DNAH8: variants seen among roughly 807,000 people sequenced by gnomAD.
The protein encoded by DNAH8 is axonemal beta dynein heavy chain 8.
A neutral mutation model predicts 562.1 loss-of-function variants in DNAH8; 382 were observed. The observed-to-expected ratio is 0.68, with a 90% CI of 0.63 to 0.74. DNAH8 has a LOEUF of 0.74. DNAH8 is among the 30% of genes least tolerant of loss of function. The probability of loss-of-function intolerance (pLI) is 0.00; values close to 1 mark genes in which losing one functional copy is unlikely to be tolerated. For missense variants in DNAH8, 5,203 were observed against 5,620.4 expected, an observed-to-expected ratio of 0.93 and a Z score of 2.37; for synonymous variants, 1,881 against 1,919.4, an observed-to-expected ratio of 0.98 and a Z score of 0.52.
rs1259825047 is a variant in DNAH8 at position 38,984,246 on chromosome 6, T to C, written c.12992T>C (p.Val4331Ala). The C allele has an allele frequency of 1.2e-6, 2 of 1,610,332 alleles. No homozygotes were observed. The highest frequency in any genetic ancestry group is 1.7e-6 in the Non-Finnish European group (2 of 1,176,576). Residue 4331 changes from valine to alanine, a missense_variant, in exon 87 of 93, where the codon GTA becomes GCA. Physicochemically the swap from Val to Ala is moderately conservative, Grantham distance 64. Transcript: ENST00000327475. ...ACGGTTCGGTACATGATCGGAGAAG[T>C]ACAATATGGAGGCAGAGTGACAGAT... ...WNTVRYMIGE[V>A]QYGGRVTDDF...
rs146832597 is a variant in DNAH8, at chr6:38,766,139, A to ATGTGTGTGTGCGTGTGTG, written c.1618-4264_1618-4263insCGTGTGTGTGTGTGTGTG. ...TGTATGTATATATGTATGTGTTTGT[A>ATGTGTGTGTGCGTGTGTG]TGTGTGTGTGTGTGTGTTTGTGTAT... On this transcript the variant is annotated intron_variant, in intron 11 of 92. Coordinates refer to ENST00000327475, the MANE Select transcript of DNAH8 (RefSeq NM_001206927.2). 2.0e-5 allele frequency among the ~76,000 whole-genome samples: 3 copies of ATGTGTGTGTGCGTGTGTG among 150,892 alleles called. No homozygotes were observed. The East Asian group carries it at 5.8e-4, about 29-fold the overall frequency.
intron 91 of DNAH8, among the ~76,000 whole-genome samples, chr6:39,019,341 G>A (rs1766756881): frequency 6.6e-6 from 1 of 152,206 alleles, no homozygotes; most frequent in South Asian, 2.1e-4. Context: ...GAAGTTAAGG[G>A]CATTCCCATT....
intron 67 of DNAH8, among the ~76,000 whole-genome samples, chr6:38,914,824 C>T (rs1046877002): frequency 6.6e-6 from 1 of 152,288 alleles, no homozygotes; most frequent in African/African-American, 2.4e-5. Flanking sequence ...ATGGTAAGCA[C>T]TCAATAAACA....
intron 9 of DNAH8, among the ~76,000 whole-genome samples, chr6:38,752,194 C>T (rs775856825): frequency 1.3e-5 from 2 of 151,116 alleles, no homozygotes; most frequent in Non-Finnish European, 2.9e-5. Context: ...GATGGAGTCT[C>T]TCTCTGTCAC....
intron 60 of DNAH8, among the ~76,000 whole-genome samples, chr6:38,897,067 T>C (rs1164523443): frequency 1.3e-5 from 2 of 152,192 alleles, no homozygotes; most frequent in Admixed American, 1.3e-4. Flanking sequence ...GGTTTTATCA[T>C]GTTGGTCAGG....
chr6:38,911,158 T>C (rs1395393615), intron 65 of DNAH8, among the ~76,000 whole-genome samples: 1 of 152,352 alleles, frequency 6.6e-6, no homozygotes, highest in East Asian at 1.9e-4. Context: ...AGCTTTCACA[T>C]AGATTCATAT....
chr6:38,723,173 C>T lies in DNAH8; in HGVS notation c.364C>T (p.Leu122=). The change falls in exon 2 of 93, where the codon CTA becomes TTA. Residue 122 remains leucine, a synonymous_variant. Coordinates refer to ENST00000327475, the MANE Select transcript of DNAH8 (RefSeq NM_001206927.2). The stretch of plus-strand genomic sequence containing the variant: ...CCGGAGTATGAGTGGCCTTCCCAAT[C>T]TACAGGAAACATTAAAAGAGAGACA... ...YRRSMSGLPN[L]QETLKERQAR... is the part of the protein sequence containing the mutation. 1 of 1,611,414 alleles carries T rather than the reference C, an allele frequency of 6.2e-7. No individual in the cohort carries two copies.
In DNAH8 at chr6:38,882,041, G is replaced by T. The variant is rs555959456; in HGVS notation, c.7859-869G>T. Among the ~76,000 whole-genome samples, 3 of 152,158 alleles carry T rather than the reference G, an allele frequency of 2.0e-5. 1 individual carries two copies. In the East Asian group the frequency reaches 5.8e-4, roughly 29 times the overall value. On this transcript the variant is annotated intron_variant, in intron 53 of 92. Transcript: ENST00000327475. Reference sequence around the variant, plus strand: ...AGATGGGTGAGTTAGCAATTTAAAAGCCAATTTACAAAAAATAACAGATGC... The same window carrying T: ...AGATGGGTGAGTTAGCAATTTAAAATCCAATTTACAAAAAATAACAGATGC...
chr6:38,845,809 A>T, intron 36 of DNAH8, 36 bp downstream of exon 36: 1 of 1,519,618 alleles, frequency 6.6e-7, no homozygotes, highest in South Asian at 1.1e-5. Flanking sequence ...TTTAAATGGG[A>T]TATTTAGGGT....
chr6:38,799,600 C>A (rs1337237877), intron 21 of DNAH8, among the ~76,000 whole-genome samples: 1 of 152,144 alleles, frequency 6.6e-6, no homozygotes, highest in African/African-American at 2.4e-5. Context: ...TTTTAGCAGC[C>A]TTATTGAGAT....
chr6:38,874,216 CTCTCGCTCTCTCTT>C, intron 52 of DNAH8, among the ~76,000 whole-genome samples: 2 of 130,526 alleles, frequency 1.5e-5, no homozygotes, highest in African/African-American at 2.9e-5. Flanking sequence ...CTTTCTTTCT[CTCTCGCTCTCTCTT>C]TCTCCCCTCC....
chr6:38,772,073 G>A lies in DNAH8; in HGVS notation c.1764+1514G>A, dbSNP rs1008709258. Among the ~76,000 whole-genome samples, 15 of 142,030 alleles carry A rather than the reference G, an allele frequency of 1.1e-4. 1 individual carries two copies. Among genetic ancestry groups the A allele is most frequent in the Admixed American group, 7.9e-5 (1 of 12,684 alleles). 93.2% of individuals were successfully genotyped at this position (142,030 alleles called of 152,430 possible). A position where few individuals can be genotyped will look rare whatever the true frequency, so the allele number is the denominator to read the frequency against. ...AGACGGAGTTTTGCTCTTTCGCCCA[G>A]GCCAGAGTGCAGTGGCGTGATCTCG... On this transcript the variant is annotated intron_variant, in intron 12 of 92. Coordinates refer to ENST00000327475, the MANE Select transcript of DNAH8 (RefSeq NM_001206927.2).
intron 23 of DNAH8, among the ~76,000 whole-genome samples, chr6:38,806,594 C>G (rs545421083): frequency 4.6e-5 from 7 of 152,166 alleles, no homozygotes; most frequent in African/African-American, 1.7e-4. Context: ...TAGTGGTCAC[C>G]TCATAAATAG....
At position 38,938,924 on chromosome 6, in the gene DNAH8, G is replaced by A. The variant is rs376317347; in HGVS notation, c.11943G>A (p.Met3981Ile). Residue 3981 changes from methionine (M) to isoleucine (I), a missense_variant, in exon 79 of 93, where the codon ATG becomes ATA. Coordinates refer to ENST00000327475, the MANE Select transcript of DNAH8 (RefSeq NM_001206927.2). ...ACAAATTCCTGTTTGTACTCCTCAT[G>A]ACCTTAAAGATTGACCTTCAGAGAG... is the stretch of plus-strand genomic sequence containing the variant. ...ENHKFLFVLLMTLKIDLQRGT... is the reference protein window; with the variant it reads ...ENHKFLFVLLITLKIDLQRGT... 98 of 1,613,780 alleles carry A rather than the reference G, an allele frequency of 6.1e-5. No individual in the cohort carries two copies. The highest frequency in any genetic ancestry group is 2.1e-4 in the South Asian group (19 of 91,052).
intron 58 of DNAH8, among the ~76,000 whole-genome samples, chr6:38,891,984 T>G (rs892565747): frequency 2.6e-5 from 4 of 152,200 alleles, no homozygotes; most frequent in African/African-American, 9.7e-5. Flanking sequence ...TTACTTGACT[T>G]TTTAGCAGCA....
rs1761342541 is a variant in DNAH8, at chr6:38,945,585, C to T, written c.12126C>T (p.Asn4042=). The change falls in exon 80 of 93, where the codon AAC becomes AAT. Residue 4042 remains asparagine, a synonymous_variant. Coordinates refer to ENST00000327475, the MANE Select transcript of DNAH8 (RefSeq NM_001206927.2). ...TTCCACAATTTGCAGAAATTATGAA[C>T]CAGGTAATACAATAAAGGGCTGGTT... The part of the protein sequence containing the change: ...SKLPQFAEIM[N]QISRNEKGWK... 6.2e-7 allele frequency: 1 copy of T among 1,613,780 alleles called. No individual in the cohort carries two copies. Among genetic ancestry groups the T allele is most frequent in the South Asian group, 1.1e-5 (1 of 91,072 alleles).
At chr6:38,965,922 A>G (rs1762940399) in intron 82 of DNAH8, among the ~76,000 whole-genome samples, 1 of 152,266 alleles carries the variant, frequency 6.6e-6, no homozygotes, top group Non-Finnish European at 1.5e-5. Context: ...GAAAGATTAC[A>G]AATTAATAAC....
In DNAH8 at chr6:38,932,216, A is replaced by ACACACACACACACACC. The variant is rs375631180; in HGVS notation, c.11457+224_11457+225insACACACACACACACCC. Among the ~76,000 whole-genome samples, 702 of 145,682 alleles carry ACACACACACACACACC rather than the reference A, an allele frequency of 4.8e-3. 9 individuals carry two copies. The highest frequency in any genetic ancestry group is 0.014 in the African/African-American group (525 of 37,294). On this transcript the variant is annotated intron_variant, in intron 76 of 92. Coordinates refer to ENST00000327475, the MANE Select transcript of DNAH8 (RefSeq NM_001206927.2). ...CACACACACACACACACACACACAC[A>ACACACACACACACACC]CCCGTCTCTTTCTACTTCTGTCTTT... is the stretch of plus-strand genomic sequence containing the variant.
At chr6:38,984,459 C>A in intron 87 of DNAH8, 152 bp downstream of exon 87, 1 of 611,712 alleles carries the variant, frequency 1.6e-6, no homozygotes, top group Non-Finnish European at 2.9e-6. Flanking sequence ...CTTACACACA[C>A]GCACACACAT....
Sources: allele counts gnomAD v4.1 joint callset (sites outside exome capture counted in the v4.1 genomes callset), GRCh38; gene constraint gnomAD v4.1.1; transcripts MANE v1.5; gene names NCBI Gene and HGNC (gene_info 2026-07-23, HGNC 2026-07-21).